The following CASZ1 variants were observed in gnomAD, a reference collection of about 807,000 sequenced individuals.
CASZ1 encodes the protein castor zinc finger 1.
Under a neutral mutation model 135.2 loss-of-function variants are expected in CASZ1, and 28 were observed. The ratio of observed to expected loss-of-function variants is 0.21; its 90% CI spans 0.15 to 0.28. The LOEUF (loss-of-function observed/expected upper bound fraction) is 0.28, where lower values mean the gene tolerates loss of function less well. CASZ1 is among the 10% of genes least tolerant of loss of function. The pLI, the probability that CASZ1 is intolerant of heterozygous loss-of-function variation, is 1.00. For synonymous variants in CASZ1, 1,068 were observed against 1,073.4 expected, an observed-to-expected ratio of 0.99 and a Z score of 0.10; for missense variants, 2,161 against 2,453.3, an observed-to-expected ratio of 0.88 and a Z score of 2.52.
rs532148091 is a variant in CASZ1 at position 10,669,532 on chromosome 1, C to G, written c.17-3961G>C. Among the ~76,000 whole-genome samples the G allele has an allele frequency of 7.2e-5, 11 of 152,344 alleles. No homozygotes were observed. In the East Asian group the frequency reaches 2.1e-3, roughly 29 times the overall value. On this transcript the variant is annotated intron_variant, in intron 4 of 20. Coordinates refer to ENST00000377022, the MANE Select transcript of CASZ1 (RefSeq NM_001079843.3). The stretch of plus-strand genomic sequence containing the variant: ...CGTTATGGCATGAATCTCATCACCC[C>G]CTCCGTAGGCGGGGGCAGGCCAGGG...
At position 10,709,245 on chromosome 1, in the gene CASZ1, C is replaced by T. The variant is rs1283702843; in HGVS notation, c.-76-3701G>A. On this transcript the variant is annotated intron_variant, in intron 2 of 20. Coordinates refer to ENST00000377022, the MANE Select transcript of CASZ1 (RefSeq NM_001079843.3). This position sits in a 1 kb window ranked among gnomAD's most constrained non-coding sequence, Gnocchi z 5.1. ...CAGGCCTCCCGGGGCCATGGGGGCTCGGGGCAGCTGTCGGGCTGCCCATCC... is the reference window on the plus strand; with the variant it reads ...CAGGCCTCCCGGGGCCATGGGGGCTTGGGGCAGCTGTCGGGCTGCCCATCC... 3.3e-5 allele frequency among the ~76,000 whole-genome samples: 5 copies of T among 152,290 alleles called. No homozygotes were observed. The highest frequency in any genetic ancestry group is 4.8e-5 in the African/African-American group (2 of 41,570).
Position 10,720,979 on chromosome 1 carries a change from G to A in CASZ1, c.-76-15435C>T, listed in dbSNP as rs1399981777. Among the ~76,000 whole-genome samples the A allele has an allele frequency of 6.6e-6, 1 of 152,190 alleles. No homozygotes were observed. Among genetic ancestry groups the A allele is most frequent in the African/African-American group, 2.4e-5 (1 of 41,452 alleles). On this transcript the variant is annotated intron_variant, in intron 2 of 20. Coordinates refer to ENST00000377022, the MANE Select transcript of CASZ1 (RefSeq NM_001079843.3). This position sits in a 1 kb window ranked among gnomAD's most constrained non-coding sequence, Gnocchi z 5.7. ...GTTCACCCTGCTCAGGGCCACAACC[G>A]GCTCTGGAGGGAGGGATTTAAGAGC... is the stretch of plus-strand genomic sequence containing the variant.
intron 2 of CASZ1, among the ~76,000 whole-genome samples, chr1:10,730,993 C>T (rs1279030830): frequency 1.3e-5 from 2 of 152,094 alleles, no homozygotes; most frequent in South Asian, 2.1e-4. Context: ...ATAATCCCAG[C>T]TACTTGGGAG....
intron 4 of CASZ1, among the ~76,000 whole-genome samples, chr1:10,681,199 CCT>C (rs1491269848): frequency 6.7e-6 from 1 of 149,240 alleles, no homozygotes; most frequent in Non-Finnish European, 1.5e-5. Flanking sequence ...CCGTGCCTGA[CCT>C]TTTTTTTTTT....
intron 4 of CASZ1, among the ~76,000 whole-genome samples, chr1:10,678,918 T>A (rs1638327236): frequency 6.6e-6 from 1 of 152,188 alleles, no homozygotes; most frequent in Non-Finnish European, 1.5e-5. Context: ...TAGCCTAAAT[T>A]CTTCATTTCC....
intron 2 of CASZ1, among the ~76,000 whole-genome samples, chr1:10,722,593 T>G (rs1012056441): frequency 5.3e-5 from 8 of 152,224 alleles, no homozygotes; most frequent in African/African-American, 1.9e-4. Context: ...AACTGGGTGC[T>G]GGGAGCCCAA....
At chr1:10,761,997 C>G (rs978334386) in intron 1 of CASZ1, among the ~76,000 whole-genome samples, 6 of 152,206 alleles carry the variant, frequency 3.9e-5, no homozygotes, top group Non-Finnish European at 5.9e-5. Flanking sequence ...GCGGGCTGGG[C>G]CCTGCCTCCT....
At chr1:10,795,604 C>A (rs1350842566) in intron 1 of CASZ1, among the ~76,000 whole-genome samples, 1 of 152,218 alleles carries the variant, frequency 6.6e-6, no homozygotes, top group Non-Finnish European at 1.5e-5. Flanking sequence ...CTCGCCCGAA[C>A]TTTCCCCGGG....
chr1:10,721,969 C>T lies in CASZ1; in HGVS notation c.-76-16425G>A, dbSNP rs1279840247. 1.3e-5 allele frequency among the ~76,000 whole-genome samples: 2 copies of T among 152,236 alleles called. No individual in the cohort carries two copies. The highest frequency in any genetic ancestry group is 4.8e-5 in the African/African-American group (2 of 41,464). Reference sequence around the variant, plus strand: ...CTCCTGCTGTATCTTTTACCTTGAGCACCTGTTGACAGAGGCCACCTAGGG... The same window carrying T: ...CTCCTGCTGTATCTTTTACCTTGAGTACCTGTTGACAGAGGCCACCTAGGG... On this transcript the variant is annotated intron_variant, in intron 2 of 20. Transcript: ENST00000377022. The surrounding 1 kb of genome is among the most constrained non-coding windows in gnomAD (Gnocchi z 5.4).
chr1:10,660,764 T>C, intron 5 of CASZ1: 1 of 550,556 alleles, frequency 1.8e-6, no homozygotes, highest in South Asian at 2.5e-5. Flanking sequence ...AGTTCATCAA[T>C]GCCAGGAAAA....
intron 1 of CASZ1, among the ~76,000 whole-genome samples, chr1:10,784,241 G>A (rs1371689726): frequency 6.6e-6 from 1 of 152,170 alleles, no homozygotes; most frequent in African/African-American, 2.4e-5. Flanking sequence ...CACGACATCT[G>A]GGTGTGCCCC....
intron 1 of CASZ1, among the ~76,000 whole-genome samples, chr1:10,772,575 C>T (rs1433607791): frequency 6.6e-6 from 1 of 152,110 alleles, no homozygotes; most frequent in East Asian, 1.9e-4. Flanking sequence ...GAATGGATAC[C>T]ACTGGGTGTC....
chr1:10,715,873 G>T (rs1316939121), intron 2 of CASZ1, among the ~76,000 whole-genome samples: 1 of 62,478 alleles, frequency 1.6e-5, no homozygotes. Flanking sequence ...TCCTCTCCCG[G>T]CAGCACCCAA....
At chr1:10,742,426 C>T (rs1639942165) in intron 2 of CASZ1, among the ~76,000 whole-genome samples, 1 of 152,112 alleles carries the variant, frequency 6.6e-6, no homozygotes, top group African/African-American at 2.4e-5. Context: ...TGTAGCTGGT[C>T]CAGGCTGTGT....
rs1018205442 is a variant in CASZ1 at position 10,639,094 on chromosome 1, C to T, written c.5128G>A (p.Asp1710Asn). Reference protein sequence around the residue: ...DDDDEDDDEDDDDEDLRTDSE... With the variant: ...DDDDEDDDEDNDDEDLRTDSE... ...TCGGTGCGCAGGTCCTCGTCGTCGT[C>T]GTCCTCGTCGTCGTCCTCGTCGTCG... Residue 1710 changes from aspartate to asparagine, a missense_variant, in exon 21 of 21, where the codon GAC becomes AAC. Around this residue, in one of 7 missense-constraint regions of CASZ1, gnomAD observed 185 missense variants for 134.7 expected, o/e 1.37. Transcript: ENST00000377022. This position sits in a 1 kb window ranked among gnomAD's most constrained non-coding sequence, Gnocchi z 4.0. 3.5e-6 allele frequency: 4 copies of T among 1,135,268 alleles called. No individual in the cohort carries two copies. The highest frequency in any genetic ancestry group is 4.4e-6 in the Non-Finnish European group (4 of 899,404). The allele number at this position is 1,135,268 out of a possible 1,614,324, so 70.3% of individuals were successfully genotyped here.
chr1:10,786,211 C>G (rs957937964), intron 1 of CASZ1, among the ~76,000 whole-genome samples: 2 of 152,078 alleles, frequency 1.3e-5, no homozygotes, highest in Non-Finnish European at 2.9e-5. Flanking sequence ...AAACAGCTCC[C>G]ATGATGACCC....
At position 10,720,942 on chromosome 1, in the gene CASZ1, C is replaced by G. The variant is rs549481909; in HGVS notation, c.-76-15398G>C. Among the ~76,000 whole-genome samples the G allele has an allele frequency of 3.9e-5, 6 of 152,134 alleles. No homozygotes were observed. Among genetic ancestry groups the G allele is most frequent in the African/African-American group, 9.7e-5 (4 of 41,432 alleles). On this transcript the variant is annotated intron_variant, in intron 2 of 20. Coordinates refer to ENST00000377022, the MANE Select transcript of CASZ1 (RefSeq NM_001079843.3). The surrounding 1 kb of genome is among the most constrained non-coding windows in gnomAD (Gnocchi z 5.7). ...ACCTCATGCCCTGCCTACCACCCAC[C>G]GTCCCAGGGAAGTTCACCCTGCTCA...
rs148730150 is a variant in CASZ1, at chr1:10,750,041, A to T, written c.-77+10660T>A. 1.1e-3 allele frequency among the ~76,000 whole-genome samples: 168 copies of T among 152,244 alleles called. 1 individual carries two copies. The East Asian group carries it at 0.03, about 27-fold the overall frequency. Reference sequence around the variant, plus strand: ...CTGGACAGCCGGCCTGTGTGCAGGCAGCTTGCCTAGACAGGGGCATTGCAT... The same window carrying T: ...CTGGACAGCCGGCCTGTGTGCAGGCTGCTTGCCTAGACAGGGGCATTGCAT... On this transcript the variant is annotated intron_variant, in intron 2 of 20. Coordinates refer to ENST00000377022, the MANE Select transcript of CASZ1 (RefSeq NM_001079843.3).
chr1:10,768,669 G>T (rs947329630), intron 1 of CASZ1, among the ~76,000 whole-genome samples: 1 of 152,204 alleles, frequency 6.6e-6, no homozygotes, highest in African/African-American at 2.4e-5. Context: ...CACTGTGGGG[G>T]AGGGGAAGCA....
Sources: gnomAD v4.1 joint callset for allele counts (sites outside exome capture counted in the v4.1 genomes callset) on GRCh38, gnomAD v4.1.1 for gene constraint, gnomAD v4.1.1 regional missense constraint, Gnocchi (gnomAD v3.1) non-coding constraint, MANE v1.5 for transcripts, NCBI Gene and HGNC (gene_info 2026-07-23, HGNC 2026-07-21) for gene names.